The following PRKG1 variants were observed in gnomAD, a reference collection of about 807,000 sequenced individuals.
PRKG1 encodes the protein protein kinase cGMP-dependent 1.
PRKG1 carries 35 observed loss-of-function variants against 88.1 expected under a neutral mutation model. That is an observed-to-expected ratio of 0.40 (90% CI 0.30 to 0.53). PRKG1 has a LOEUF of 0.53. Among genes scored for constraint, PRKG1 ranks in the 20% least tolerant of loss-of-function variants. The pLI, the probability that PRKG1 is intolerant of heterozygous loss-of-function variation, is 0.59. For synonymous variants in PRKG1, 303 were observed against 292.5 expected (o/e 1.04, Z -0.37); for missense variants, 540 against 839.8 (o/e 0.64, Z 4.41).
At chr10:51,268,968 T>C (rs535655685) in intron 2 of PRKG1, among the ~76,000 whole-genome samples, 14 of 152,282 alleles carry the variant, frequency 9.2e-5, no homozygotes, top group East Asian at 1.9e-4. Flanking sequence ...GGTCCTTCCA[T>C]TCGGGGTCCC....
intron 7 of PRKG1, among the ~76,000 whole-genome samples, chr10:52,093,011 G>A (rs1847091314): frequency 2.0e-5 from 3 of 152,132 alleles, no homozygotes; most frequent in South Asian, 4.1e-4. Context: ...AGCAATGTGA[G>A]TGTGACTAGA....
In PRKG1 at chr10:51,543,363, G is replaced by A. The variant is rs73339968; in HGVS notation, c.592+75527G>A. Among the ~76,000 whole-genome samples the A allele has an allele frequency of 2.5e-3, 380 of 152,226 alleles. 2 individuals are homozygous for A. The highest frequency in any genetic ancestry group is 8.6e-3 in the African/African-American group (356 of 41,550). Reference sequence around the variant, plus strand: ...TAATTTGTATAAACACCATAGAAATGTCTGGTTAACAGCATATTAATTGAC... The same window carrying A: ...TAATTTGTATAAACACCATAGAAATATCTGGTTAACAGCATATTAATTGAC... On this transcript the variant is annotated intron_variant, in intron 3 of 17. Coordinates refer to ENST00000373980, the MANE Select transcript of PRKG1 (RefSeq NM_006258.4).
intron 1 of PRKG1, among the ~76,000 whole-genome samples, chr10:51,043,343 T>C (rs997733735): frequency 5.9e-5 from 9 of 152,130 alleles, no homozygotes; most frequent in African/African-American, 2.2e-4. Flanking sequence ...TTATGATAAA[T>C]TTATTCCTGT....
chr10:51,616,768 G>A (rs1230546285), intron 3 of PRKG1, among the ~76,000 whole-genome samples: 1 of 152,160 alleles, frequency 6.6e-6, no homozygotes, highest in Non-Finnish European at 1.5e-5. Context: ...TGGTTGTGCT[G>A]TAGCCCTGCC....
intron 5 of PRKG1, among the ~76,000 whole-genome samples, chr10:52,023,702 C>T (rs1845249411): frequency 6.6e-6 from 1 of 152,224 alleles, no homozygotes; most frequent in South Asian, 2.1e-4. Flanking sequence ...CTGTTGGCTG[C>T]ATAAATGTCT....
intron 4 of PRKG1, among the ~76,000 whole-genome samples, chr10:51,858,140 ATTAT>A (rs1432512921): frequency 3.8e-5 from 1 of 26,588 alleles, no homozygotes; most frequent in African/African-American, 2.3e-4. Flanking sequence ...ATATATACAT[ATTAT>A]ACATATATAT....
rs73339932 is a variant in PRKG1, at chr10:51,530,689, C to T, written c.592+62853C>T. On this transcript the variant is annotated intron_variant, in intron 3 of 17. Coordinates refer to ENST00000373980, the MANE Select transcript of PRKG1 (RefSeq NM_006258.4). ...CTGGGTCCCATGTGCCTTAATGCATCACACAAACTTTTCCATCTCCAGTGA... is the reference window on the plus strand; with the variant it reads ...CTGGGTCCCATGTGCCTTAATGCATTACACAAACTTTTCCATCTCCAGTGA... Among the ~76,000 whole-genome samples the T allele has an allele frequency of 6.7e-3, 1,014 of 152,254 alleles. 16 individuals are homozygous for T. Among genetic ancestry groups the T allele is most frequent in the African/African-American group, 0.023 (953 of 41,544 alleles).
At chr10:52,252,853 A>T (rs543628667) in intron 10 of PRKG1, 1 of 152,082 alleles carries the variant, frequency 6.6e-6, no homozygotes, top group East Asian at 1.9e-4. Flanking sequence ...GAAAAAAAAA[A>T]AAAAGTAAGG....
chr10:51,268,923 T>G (rs1839905843), intron 2 of PRKG1, among the ~76,000 whole-genome samples: 1 of 152,204 alleles, frequency 6.6e-6, no homozygotes, highest in Admixed American at 6.6e-5. Context: ...CCTTGAAATC[T>G]TCACCATCCA....
At chr10:51,254,961 T>G (rs1170515830) in intron 2 of PRKG1, among the ~76,000 whole-genome samples, 2 of 152,070 alleles carry the variant, frequency 1.3e-5, no homozygotes, top group Non-Finnish European at 2.9e-5. Context: ...TAACGTCGAT[T>G]TTGTTAGTCA....
intron 3 of PRKG1, among the ~76,000 whole-genome samples, chr10:51,627,930 CTT>C (rs1287562029): frequency 2.0e-3 from 48 of 24,354 alleles, no homozygotes; most frequent in Middle Eastern, 0.029. Flanking sequence ...CCCTTCCTTT[CTT>C]CCTTCCTTCC....
chr10:51,977,330 AT>A (rs1293976825), intron 5 of PRKG1, among the ~76,000 whole-genome samples: 1 of 152,106 alleles, frequency 6.6e-6, no homozygotes, highest in Admixed American at 6.6e-5. Flanking sequence ...AGAGTATTCC[AT>A]GGTGTATACG....
chr10:51,974,049 C>G (rs1476830412), intron 5 of PRKG1, among the ~76,000 whole-genome samples: 2 of 152,120 alleles, frequency 1.3e-5, no homozygotes, highest in Non-Finnish European at 2.9e-5. Flanking sequence ...TTTTCTTCAT[C>G]TTACAATGAC....
chr10:52,168,214 C>T (rs1419218284), intron 9 of PRKG1, among the ~76,000 whole-genome samples: 1 of 152,124 alleles, frequency 6.6e-6, no homozygotes, highest in Admixed American at 6.6e-5. Context: ...TCTGGGAAGT[C>T]TTCTTAGGGG....
chr10:51,537,473 C>G (rs1842185674), intron 3 of PRKG1, among the ~76,000 whole-genome samples: 1 of 152,140 alleles, frequency 6.6e-6, no homozygotes, highest in Non-Finnish European at 1.5e-5. Flanking sequence ...TGGCTCACGC[C>G]TGTAATCCCA....
intron 5 of PRKG1, among the ~76,000 whole-genome samples, chr10:52,005,251 CTTTTTT>C (rs10595402): frequency 2.5e-5 from 3 of 117,770 alleles, no homozygotes; most frequent in Non-Finnish European, 3.4e-5. Flanking sequence ...TAATGCCCAT[CTTTTTT>C]TTTTTTTTTT....
chr10:52,197,438 T>C (rs1400888253), intron 9 of PRKG1, among the ~76,000 whole-genome samples: 3 of 152,002 alleles, frequency 2.0e-5, no homozygotes, highest in Admixed American at 1.3e-4. Flanking sequence ...CATTTACTTA[T>C]GACAAGTGTT....
At chr10:52,034,422 A>T (rs1193903182) in intron 5 of PRKG1, among the ~76,000 whole-genome samples, 2 of 148,178 alleles carry the variant, frequency 1.3e-5, no homozygotes, top group Non-Finnish European at 3.0e-5. Context: ...GGATGTTAGA[A>T]GAAACATTTG....
intron 1 of PRKG1, among the ~76,000 whole-genome samples, chr10:51,138,688 T>TG (rs1208444657): frequency 6.9e-5 from 9 of 131,308 alleles, no homozygotes; most frequent in East Asian, 2.5e-4. Context: ...TTTTTTTTTT[T>TG]TTTTTTTTTT....
Sources: gnomAD v4.1 joint callset for allele counts (sites outside exome capture counted in the v4.1 genomes callset) on GRCh38, gnomAD v4.1.1 for gene constraint, MANE v1.5 for transcripts, NCBI Gene and HGNC (gene_info 2026-07-23, HGNC 2026-07-21) for gene names.